Variants in RIMS2 observed in about 807,000 individuals in gnomAD.
RIMS2 encodes the protein regulating synaptic membrane exocytosis 2, also known as regulating synaptic membrane exocytosis protein 2.
A neutral mutation model predicts 174.4 loss-of-function variants in RIMS2; 59 were observed. That is an observed-to-expected ratio of 0.34 (90% CI 0.27 to 0.42). The LOEUF (loss-of-function observed/expected upper bound fraction) is 0.42, where lower values mean the gene tolerates loss of function less well. RIMS2 is among the 10% of genes least tolerant of loss of function. The pLI is 1.00. For synonymous variants in RIMS2, 606 were observed against 572.5 expected, an observed-to-expected ratio of 1.06 and a Z score of -0.84; for missense variants, 1,620 against 1,666.3, an observed-to-expected ratio of 0.97 and a Z score of 0.48.
At chr8:103,980,125 A>C (rs1393252592) in intron 16 of RIMS2, among the ~76,000 whole-genome samples, 3 of 151,716 alleles carry the variant, frequency 2.0e-5, no homozygotes, top group Non-Finnish European at 4.4e-5. Context: ...TGCTAGTACC[A>C]CTCCTCCTCC....
At chr8:103,672,308 G>A (rs369457384) in intron 1 of RIMS2, among the ~76,000 whole-genome samples, 1 of 151,666 alleles carries the variant, frequency 6.6e-6, no homozygotes, top group Admixed American at 6.6e-5. Context: ...AATACCAAAT[G>A]TTATTTATGT....
intron 3 of RIMS2, among the ~76,000 whole-genome samples, chr8:103,814,635 G>A (rs2098707777): frequency 6.6e-6 from 1 of 152,126 alleles, no homozygotes; most frequent in Non-Finnish European, 1.5e-5. Context: ...AGCACTTTGG[G>A]AGGCTGAGGA....
intron 1 of RIMS2, among the ~76,000 whole-genome samples, chr8:103,517,834 A>AGCTAG (rs1244198980): frequency 1.3e-5 from 2 of 152,134 alleles, no homozygotes. Context: ...TGGGGTATCC[A>AGCTAG]ATCTTTTGGC....
chr8:103,583,313 C>T (rs555640109), intron 1 of RIMS2, among the ~76,000 whole-genome samples: 4 of 152,188 alleles, frequency 2.6e-5, no homozygotes, highest in East Asian at 1.9e-4. Flanking sequence ...CAAAGAAGGA[C>T]GTCTACAAAT....
At chr8:103,532,510 G>A (rs1262336830) in intron 1 of RIMS2, among the ~76,000 whole-genome samples, 1 of 152,176 alleles carries the variant, frequency 6.6e-6, no homozygotes, top group Admixed American at 6.5e-5. Context: ...AATTAAGAAT[G>A]GCCTTTACAT....
At chr8:103,981,480 C>G (rs544803474) in intron 16 of RIMS2, among the ~76,000 whole-genome samples, 1 of 152,222 alleles carries the variant, frequency 6.6e-6, no homozygotes, top group Admixed American at 6.5e-5. Context: ...TGCCAAGACA[C>G]CAAAGACCGT....
chr8:104,211,552 A>G (rs1033157205), intron 19 of RIMS2, among the ~76,000 whole-genome samples: 10 of 148,916 alleles, frequency 6.7e-5, no homozygotes, highest in African/African-American at 2.5e-4. Context: ...GGTTCGTGAC[A>G]TGACCCAATG....
rs71575988 is a variant in RIMS2, at chr8:103,967,170, G to GTTTTTTTTTTTTT, written c.2770+6055_2770+6067dup. ...TTTTCTGCCTGCTTGATCTGTTCTT[G>GTTTTTTTTTTTTT]TTTTTTTTTTTTTTTTTTTTTTTTT... On this transcript the variant is annotated intron_variant, in intron 15 of 23. Coordinates refer to ENST00000504942, the Ensembl canonical transcript of RIMS2. Among the ~76,000 whole-genome samples the GTTTTTTTTTTTTT allele has an allele frequency of 1.5e-3, 37 of 24,962 alleles. 9 individuals carry two copies. Among genetic ancestry groups the GTTTTTTTTTTTTT allele is most frequent in the African/African-American group, 3.6e-3 (17 of 4,738 alleles). 16.4% of individuals were successfully genotyped at this position (24,962 alleles called of 152,430 possible).
At chr8:104,128,574 G>T (rs1237438528) in intron 19 of RIMS2, among the ~76,000 whole-genome samples, 1 of 152,126 alleles carries the variant, frequency 6.6e-6, no homozygotes, top group Non-Finnish European at 1.5e-5. Context: ...GCACATGCCT[G>T]TAACCCCAGC....
chr8:103,784,474 G>A (rs2098421966), intron 3 of RIMS2, among the ~76,000 whole-genome samples: 1 of 112,270 alleles, frequency 8.9e-6, no homozygotes, highest in Non-Finnish European at 1.8e-5. Flanking sequence ...TCCAGTTTCA[G>A]CTTTCTACAT....
At chr8:103,531,062 T>A (rs1201937419) in intron 1 of RIMS2, among the ~76,000 whole-genome samples, 2 of 151,094 alleles carry the variant, frequency 1.3e-5, no homozygotes, top group Non-Finnish European at 3.0e-5. Flanking sequence ...AACAAGATTA[T>A]CAGTAGATCA....
At chr8:104,253,845 G>A (rs905710975), downstream of RIMS2, 45 of 152,146 alleles carry the variant, frequency 3.0e-4, no homozygotes, top group African/African-American at 1.0e-3. Flanking sequence ...GCTTGATACG[G>A]TGCAAAAGTT....
intron 1 of RIMS2, among the ~76,000 whole-genome samples, chr8:103,566,788 T>C (rs2132177516): frequency 6.6e-6 from 1 of 152,324 alleles, no homozygotes; most frequent in East Asian, 1.9e-4. Context: ...TGGCCAGTTC[T>C]TACTCAGTTA....
At chr8:103,501,958 T>C (rs1474538980) in intron 1 of RIMS2, among the ~76,000 whole-genome samples, 2 of 152,232 alleles carry the variant, frequency 1.3e-5, no homozygotes, top group African/African-American at 4.8e-5. Flanking sequence ...ACTACTTTTC[T>C]GGTTAGCGTA....
intron 16 of RIMS2, among the ~76,000 whole-genome samples, chr8:103,980,853 G>A (rs72683119): frequency 0.13 from 19,317 of 152,094 alleles, 1,705 homozygotes; most frequent in Non-Finnish European, 0.19. Context: ...TGTGGTAAGG[G>A]GAGGGAAGAG....
At chr8:104,012,363 T>TG (rs972444039) in intron 17 of RIMS2, among the ~76,000 whole-genome samples, 1 of 151,096 alleles carries the variant, frequency 6.6e-6, no homozygotes, top group Non-Finnish European at 1.5e-5. Flanking sequence ...TCTTTTTTTT[T>TG]TTTTTAAATT....
At chr8:103,836,370 T>G (rs1347535320) in intron 3 of RIMS2, among the ~76,000 whole-genome samples, 1 of 152,022 alleles carries the variant, frequency 6.6e-6, no homozygotes, top group Non-Finnish European at 1.5e-5. Context: ...GGCAATATCG[T>G]GAGATCCCCT....
At chr8:103,768,497 G>A in intron 3 of RIMS2, 1 of 964,304 alleles carries the variant, frequency 1.0e-6, no homozygotes, top group Non-Finnish European at 1.7e-6. Context: ...TCATGGCCGT[G>A]TCCGCCTGCT....
intron 19 of RIMS2, among the ~76,000 whole-genome samples, chr8:104,069,980 G>A (rs1292392399): frequency 6.6e-6 from 1 of 152,124 alleles, no homozygotes; most frequent in African/African-American, 2.4e-5. Context: ...AATATTTGTG[G>A]TCTCCGTGTA....
Sources: allele counts gnomAD v4.1 joint callset (sites outside exome capture counted in the v4.1 genomes callset), GRCh38; gene constraint gnomAD v4.1.1; transcripts MANE v1.5; gene names NCBI Gene and HGNC (gene_info 2026-07-23, HGNC 2026-07-21).